MARCHF6: variants seen among roughly 807,000 people sequenced by gnomAD.
MARCHF6 encodes membrane associated ring-CH-type finger 6, also known as E3 ubiquitin-protein ligase MARCHF6.
A neutral mutation model predicts 133.7 loss-of-function variants in MARCHF6; 31 were observed. That is an observed-to-expected ratio of 0.23 (90% CI 0.17 to 0.31). MARCHF6 has a LOEUF of 0.31. Among genes scored for constraint, MARCHF6 ranks in the 10% least tolerant of loss-of-function variants. The pLI, the probability that MARCHF6 is intolerant of heterozygous loss-of-function variation, is 1.00. For synonymous variants in MARCHF6, 395 were observed against 402.5 expected (o/e 0.98, Z 0.22); for missense variants, 723 against 1,121.6 (o/e 0.64, Z 5.08).
intron 10 of MARCHF6, among the ~76,000 whole-genome samples, chr5:10,399,879 C>G (rs1192544453): frequency 6.6e-6 from 1 of 152,182 alleles, no homozygotes; most frequent in Non-Finnish European, 1.5e-5. Context: ...GTTAACTGTT[C>G]TTGCAGCATG....
At chr5:10,420,970 A>T (rs568968290) in intron 22 of MARCHF6, among the ~76,000 whole-genome samples, 3 of 152,284 alleles carry the variant, frequency 2.0e-5, no homozygotes, top group Non-Finnish European at 4.4e-5. Flanking sequence ...AAATCCTGTA[A>T]TAACCCCTTT....
chr5:10,403,796 G>A (rs1738698806), intron 15 of MARCHF6, among the ~76,000 whole-genome samples: 1 of 152,246 alleles, frequency 6.6e-6, no homozygotes, highest in Middle Eastern at 3.4e-3. Flanking sequence ...AAAAAGATAA[G>A]AGTACTCATT....
At chr5:10,353,946 C>T (rs769443860) in intron 1 of MARCHF6, 29 bp downstream of exon 1, 6 of 1,539,618 alleles carry the variant, frequency 3.9e-6, no homozygotes, top group Non-Finnish European at 3.5e-6. Flanking sequence ...GCGCCCGAGC[C>T]CTTGCGTCGG....
chr5:10,369,975 T>C (rs1490916452), intron 1 of MARCHF6, among the ~76,000 whole-genome samples: 3 of 151,972 alleles, frequency 2.0e-5, no homozygotes, highest in African/African-American at 4.8e-5. Flanking sequence ...TGTGTGAACA[T>C]AAGTTTTTGT....
intron 17 of MARCHF6, among the ~76,000 whole-genome samples, chr5:10,409,231 A>C (rs1006707907): frequency 6.6e-6 from 1 of 152,254 alleles, no homozygotes. Context: ...TAGAATTGGA[A>C]AATACTTATA....
At position 10,433,935 on chromosome 5, in the gene MARCHF6, CAG is replaced by C. The variant is rs1740486597; in HGVS notation, c.*253_*254del. 2.2e-6 allele frequency: 1 copy of C among 463,760 alleles called. No individual in the cohort carries two copies. Among genetic ancestry groups the C allele is most frequent in the Non-Finnish European group, 3.9e-6 (1 of 254,452 alleles). 28.7% of individuals were successfully genotyped at this position (463,760 alleles called of 1,614,324 possible). On this transcript the variant is annotated 3_prime_UTR_variant, in exon 26 of 26. Coordinates refer to ENST00000274140, the MANE Select transcript of MARCHF6 (RefSeq NM_005885.4). Reference sequence around the variant, plus strand: ...TGATACCCTAAAACCTTGGATTAAACAGAATGTGCATTGTACATCTTTAAACA... The same window carrying C: ...TGATACCCTAAAACCTTGGATTAAACAATGTGCATTGTACATCTTTAAACA...
intron 10 of MARCHF6, among the ~76,000 whole-genome samples, chr5:10,397,792 C>T (rs1738279282): frequency 6.6e-6 from 1 of 152,054 alleles, no homozygotes; most frequent in Non-Finnish European, 1.5e-5. Flanking sequence ...GTAAGCCTTC[C>T]CCAAATGTGA....
chr5:10,429,385 C>T (rs1023871455), intron 24 of MARCHF6, among the ~76,000 whole-genome samples: 2 of 148,602 alleles, frequency 1.3e-5, no homozygotes, highest in African/African-American at 5.0e-5. Context: ...GAAGTCATCT[C>T]GTCCAGTTCC....
At chr5:10,382,604 C>CATCACTTGAGGTCAGGAGT (rs1190821348) in intron 4 of MARCHF6, among the ~76,000 whole-genome samples, 2 of 152,048 alleles carry the variant, frequency 1.3e-5, no homozygotes, top group Admixed American at 1.3e-4. Context: ...GAGGTGGGAG[C>CATCACTTGAGGTCAGGAGT]ATCACTTGAG....
At chr5:10,373,765 C>G (rs563570832) in intron 1 of MARCHF6, among the ~76,000 whole-genome samples, 1 of 152,318 alleles carries the variant, frequency 6.6e-6, no homozygotes, top group African/African-American at 2.4e-5. Context: ...AAACCCTATG[C>G]CTGAGATCTG....
intron 1 of MARCHF6, among the ~76,000 whole-genome samples, chr5:10,366,682 C>G (rs1736157807): frequency 6.6e-6 from 1 of 152,198 alleles, no homozygotes; most frequent in South Asian, 2.1e-4. Flanking sequence ...TTCCACAGCC[C>G]TTAGAATTTA....
intron 7 of MARCHF6, 128 bp downstream of exon 7, chr5:10,391,859 T>A: frequency 4.0e-6 from 4 of 1,011,930 alleles, no homozygotes; most frequent in Non-Finnish European, 5.2e-6. Context: ...ATTTTTACTT[T>A]ATTTTGGCAA....
At chr5:10,354,089 G>A in intron 1 of MARCHF6, 172 bp downstream of exon 1, 2 of 506,194 alleles carry the variant, frequency 4.0e-6, no homozygotes, top group South Asian at 7.3e-5. Context: ...CCCTCTGCGC[G>A]CCCCCCGCCG....
chr5:10,374,978 G>A (rs982484035), intron 1 of MARCHF6, among the ~76,000 whole-genome samples: 1 of 152,208 alleles, frequency 6.6e-6, no homozygotes, highest in African/African-American at 2.4e-5. Context: ...AAGAGATTTT[G>A]AGAGGTGACA....
At chr5:10,359,885 A>G (rs1735708008) in intron 1 of MARCHF6, among the ~76,000 whole-genome samples, 1 of 152,054 alleles carries the variant, frequency 6.6e-6, no homozygotes, top group Non-Finnish European at 1.5e-5. Context: ...GGGTGCCTGT[A>G]ATCCCAGCTC....
chr5:10,403,991 G>A (rs760894291), intron 15 of MARCHF6, among the ~76,000 whole-genome samples: 9 of 151,866 alleles, frequency 5.9e-5, no homozygotes, highest in Non-Finnish European at 1.2e-4. Context: ...ATTACAATGA[G>A]GGTCCTTTAT....
chr5:10,353,859 G>T lies in MARCHF6; in HGVS notation c.-40G>T. 1 of 1,552,128 alleles carries T rather than the reference G, an allele frequency of 6.4e-7. No homozygotes were observed. On this transcript the variant is annotated 5_prime_UTR_variant, in exon 1 of 26. Coordinates refer to ENST00000274140, the MANE Select transcript of MARCHF6 (RefSeq NM_005885.4). The stretch of plus-strand genomic sequence containing the variant: ...CTCCCTCTTTCCCCGCCCGGCCGCG[G>T]GAGCCTCGTGGCTGCGTCACCGCCG...
chr5:10,415,438 AT>A lies in MARCHF6; in HGVS notation c.1967-48del, dbSNP rs753935736. 6.0e-6 allele frequency: 9 copies of A among 1,502,836 alleles called. No homozygotes were observed. In the Admixed American group the frequency reaches 7.0e-5, roughly 12 times the overall value. The allele number at this position is 1,502,836 out of a possible 1,614,324, so 93.1% of individuals were successfully genotyped here. On this transcript the variant is annotated intron_variant, in intron 20 of 25. Coordinates refer to ENST00000274140, the MANE Select transcript of MARCHF6 (RefSeq NM_005885.4). ...CTAACATAACAACATGAAGATGACA[AT>A]TCTCTTTACCTAGCCACATGTCTCA...
chr5:10,400,884 C>T (rs1738490297), intron 11 of MARCHF6, 42 bp downstream of exon 11: 3 of 1,387,608 alleles, frequency 2.2e-6, no homozygotes, highest in East Asian at 2.3e-5. Flanking sequence ...ATTCATTACT[C>T]CCAAATGTGA....
Sources: gnomAD v4.1 joint callset for allele counts (sites outside exome capture counted in the v4.1 genomes callset) on GRCh38, gnomAD v4.1.1 for gene constraint, MANE v1.5 for transcripts, NCBI Gene and HGNC (gene_info 2026-07-23, HGNC 2026-07-21) for gene names.